The following ANO2 variants were observed in gnomAD, a reference collection of about 807,000 sequenced individuals.
ANO2 encodes anoctamin-2.
A neutral mutation model predicts 124.2 loss-of-function variants in ANO2; 101 were observed. The observed-to-expected ratio is 0.81, with a 90% CI of 0.69 to 0.96. The LOEUF (loss-of-function observed/expected upper bound fraction) is 0.96. Among genes scored for constraint, ANO2 ranks in the 40% least tolerant of loss-of-function variants. The pLI is 0.00. For missense variants in ANO2, 1,293 were observed against 1,274.5 expected, an observed-to-expected ratio of 1.01 and a Z score of -0.22; for synonymous variants, 486 against 482.5, an observed-to-expected ratio of 1.01 and a Z score of -0.09.
chr12:5,919,835 C>A (rs962702405), intron 3 of ANO2, among the ~76,000 whole-genome samples: 1 of 152,092 alleles, frequency 6.6e-6, no homozygotes, highest in African/African-American at 2.4e-5. Context: ...GTAGCTGGGA[C>A]TACAGGCGCC....
intron 13 of ANO2, chr12:5,732,844 G>A (rs781480572): frequency 4.5e-5 from 72 of 1,613,694 alleles, no homozygotes; most frequent in South Asian, 4.0e-4. Flanking sequence ...CACAACACTC[G>A]TTATCACACT....
intron 14 of ANO2, among the ~76,000 whole-genome samples, chr12:5,727,634 CCTTTTT>C (rs745518458): frequency 7.5e-6 from 1 of 133,736 alleles, no homozygotes; most frequent in Non-Finnish European, 1.6e-5. Flanking sequence ...CTCACCACTT[CCTTTTT>C]TTTTTTTTTT....
chr12:5,679,334 A>G (rs61908125), intron 14 of ANO2, among the ~76,000 whole-genome samples: 19,510 of 152,218 alleles, frequency 0.13, 1,309 homozygotes, highest in East Asian at 0.22. Context: ...AGAAACTATC[A>G]TCAGAGTGAA....
chr12:5,876,244 A>C (rs912427465), intron 3 of ANO2, among the ~76,000 whole-genome samples: 1 of 152,224 alleles, frequency 6.6e-6, no homozygotes, highest in Non-Finnish European at 1.5e-5. Context: ...TCTTCTTATA[A>C]GACCGTATTT....
chr12:5,859,577 C>T (rs765028983), intron 3 of ANO2, among the ~76,000 whole-genome samples: 1 of 151,968 alleles, frequency 6.6e-6, no homozygotes, highest in Non-Finnish European at 1.5e-5. Flanking sequence ...GCTTTGTCTC[C>T]CAGGCTGGAG....
chr12:5,754,008 G>A (rs1843403125), intron 10 of ANO2, among the ~76,000 whole-genome samples: 1 of 152,194 alleles, frequency 6.6e-6, no homozygotes, highest in South Asian at 2.1e-4. Flanking sequence ...TGTTAGCCAT[G>A]AGATTTTCAT....
intron 19 of ANO2, among the ~76,000 whole-genome samples, chr12:5,606,369 C>T (rs1175834540): frequency 6.6e-6 from 1 of 152,212 alleles, no homozygotes; most frequent in Non-Finnish European, 1.5e-5. Flanking sequence ...TGGCTTGCTA[C>T]TGGTATGCCT....
intron 10 of ANO2, among the ~76,000 whole-genome samples, chr12:5,766,891 GACAAGGCTTCCAAAAA>G (rs1951909467): frequency 6.6e-6 from 1 of 152,196 alleles, no homozygotes; most frequent in Non-Finnish European, 1.5e-5. Context: ...GCTAACAAAA[GACAAGGCTTCCAAAAA>G]ACAAGGCAGT....
intron 14 of ANO2, among the ~76,000 whole-genome samples, chr12:5,681,421 AG>A (rs1334819591): frequency 6.6e-6 from 1 of 152,178 alleles, no homozygotes; most frequent in Non-Finnish European, 1.5e-5. Flanking sequence ...AGAGTGCCCA[AG>A]GTGCAGCCAA....
At chr12:5,587,939 C>T (rs555453889) in intron 20 of ANO2, among the ~76,000 whole-genome samples, 1 of 152,296 alleles carries the variant, frequency 6.6e-6, no homozygotes, top group Non-Finnish European at 1.5e-5. Context: ...AATACATCTC[C>T]CCCTGCTGCC....
intron 12 of ANO2, chr12:5,740,020 C>G: frequency 2.2e-6 from 1 of 454,426 alleles, no homozygotes; most frequent in South Asian, 1.6e-5. Flanking sequence ...TTGTAGAATG[C>G]CTGCCACACC....
At chr12:5,920,650 G>T (rs1013271953) in intron 3 of ANO2, among the ~76,000 whole-genome samples, 1 of 152,152 alleles carries the variant, frequency 6.6e-6, no homozygotes, top group African/African-American at 2.4e-5. Context: ...CAGATCAGAA[G>T]GTCGGGAGAT....
chr12:5,749,169 G>C (rs955834165), intron 11 of ANO2, among the ~76,000 whole-genome samples: 35 of 152,280 alleles, frequency 2.3e-4, no homozygotes, highest in African/African-American at 7.7e-4. Flanking sequence ...GCCCACTGAT[G>C]CACGCATACC....
intron 10 of ANO2, among the ~76,000 whole-genome samples, chr12:5,798,591 G>C (rs1375720414): frequency 6.6e-6 from 1 of 152,214 alleles, no homozygotes; most frequent in East Asian, 1.9e-4. Flanking sequence ...AGTCCACCAT[G>C]TCCACCATGG....
chr12:5,901,011 A>G (rs908219634), intron 3 of ANO2, among the ~76,000 whole-genome samples: 1 of 152,164 alleles, frequency 6.6e-6, no homozygotes, highest in African/African-American at 2.4e-5. Context: ...GGCCACTCTC[A>G]GCAGGGTCAC....
intron 19 of ANO2, among the ~76,000 whole-genome samples, chr12:5,604,598 G>A (rs2136890985): frequency 6.6e-6 from 1 of 152,312 alleles, no homozygotes; most frequent in Admixed American, 6.5e-5. Context: ...GGCAAGGGAA[G>A]ACACAGGGGC....
At position 5,832,575 on chromosome 12, in the gene ANO2, A is replaced by G. The variant is rs1732483429; in HGVS notation, c.662T>C (p.Ile221Thr). 3.1e-6 allele frequency: 5 copies of G among 1,613,766 alleles called. No homozygotes were observed. Among genetic ancestry groups the G allele is most frequent in the African/African-American group, 1.3e-5 (1 of 75,012 alleles). ...CAGAGCCGCGCTGAACTTCTTTGCA[A>G]TGCTGCCTCCTGCTTTGATCTCGTA... is the stretch of plus-strand genomic sequence containing the variant. The part of the protein sequence containing the change: ...KMYEIKAGGS[I>T]AKKFSAALQK... Residue 221 changes from isoleucine to threonine, a missense_variant, in exon 5 of 25, where the codon ATT becomes ACT. Transcript: ENST00000682330.
At chr12:5,591,673 G>C (rs1943401751) in intron 20 of ANO2, among the ~76,000 whole-genome samples, 1 of 152,172 alleles carries the variant, frequency 6.6e-6, no homozygotes, top group African/African-American at 2.4e-5. Context: ...ATCTCCTTTA[G>C]CACTGTTCAT....
At chr12:5,821,046 T>C (rs1953779610) in intron 7 of ANO2, among the ~76,000 whole-genome samples, 1 of 152,222 alleles carries the variant, frequency 6.6e-6, no homozygotes, top group African/African-American at 2.4e-5. Flanking sequence ...TAATCTTATT[T>C]GGAGAGACCT....
Sources: gnomAD v4.1 joint callset for allele counts (sites outside exome capture counted in the v4.1 genomes callset) on GRCh38, gnomAD v4.1.1 for gene constraint, MANE v1.5 for transcripts, NCBI Gene and HGNC (gene_info 2026-07-23, HGNC 2026-07-21) for gene names.